LRPPRC: variants seen among roughly 807,000 people sequenced by gnomAD.
The protein encoded by LRPPRC is leucine rich pentatricopeptide repeat containing.
Under a neutral mutation model 180.3 loss-of-function variants are expected in LRPPRC, and 120 were observed. The ratio of observed to expected loss-of-function variants is 0.67; its 90% confidence interval spans 0.57 to 0.77. The LOEUF is 0.77. Among genes scored for constraint, LRPPRC ranks in the 30% least tolerant of loss-of-function variants. The probability of loss-of-function intolerance (pLI) is 0.00; values close to 1 mark genes in which losing one functional copy is unlikely to be tolerated. For missense variants in LRPPRC, 2,012 were observed against 1,657.2 expected, an observed-to-expected ratio of 1.21 and a Z score of -3.72; for synonymous variants, 723 against 600.0, an observed-to-expected ratio of 1.21 and a Z score of -3.00.
intron 30 of LRPPRC, among the ~76,000 whole-genome samples, chr2:43,911,982 G>A (rs1022820924): frequency 3.3e-5 from 5 of 151,898 alleles, no homozygotes; most frequent in Non-Finnish European, 7.4e-5. Context: ...CTCATCATAC[G>A]GAAGAAGAAC....
Position 43,934,304 on chromosome 2 carries a change from G to A in LRPPRC, c.2630-8C>T. The A allele has an allele frequency of 7.1e-7, 1 of 1,404,584 alleles. No individual in the cohort carries two copies. Among genetic ancestry groups the A allele is most frequent in the Non-Finnish European group, 1.0e-6 (1 of 992,164 alleles). 87.0% of individuals were successfully genotyped at this position (1,404,584 alleles called of 1,614,324 possible). A position where few individuals can be genotyped will look rare whatever the true frequency, so the allele number is the denominator to read the frequency against. ...GGCTCACAAAGTCCATTGCTAGGTA[G>A]GAGAGAAAAAAATATATATATTAGG... On this transcript the variant is annotated splice_polypyrimidine_tract_variant and splice_region_variant and intron_variant, in intron 24 of 37. Coordinates refer to ENST00000260665, the MANE Select transcript of LRPPRC (RefSeq NM_133259.4).
Position 43,947,304 on chromosome 2 carries a change from T to C in LRPPRC, c.2032A>G (p.Ile678Val), listed in dbSNP as rs565290342. ...LETLKAENQP[I>V]RDVLKQLILV... ...ATGAGTTGCTTTAGGACATCTCTTA[T>C]AGGTTGATTTTCAGCTTTTAGTGTT... The change falls in exon 20 of 38, where the codon ATA becomes GTA. Residue 678 changes from isoleucine (I) to valine (V), a missense_variant. Coordinates refer to ENST00000260665, the MANE Select transcript of LRPPRC (RefSeq NM_133259.4). 9 of 1,605,634 alleles carry C rather than the reference T, an allele frequency of 5.6e-6. No individual in the cohort carries two copies. The highest frequency in any genetic ancestry group is 5.5e-5 in the South Asian group (5 of 90,850).
chr2:43,977,348 TAAC>T, intron 3 of LRPPRC, 72 bp from the exon 4 acceptor site: 1 of 1,221,170 alleles, frequency 8.2e-7, no homozygotes. Context: ...GACCTAAATT[TAAC>T]AAACAAAAAG....
At chr2:43,951,231 T>C (rs1672890687) in intron 14 of LRPPRC, among the ~76,000 whole-genome samples, 1 of 152,184 alleles carries the variant, frequency 6.6e-6, no homozygotes, top group Non-Finnish European at 1.5e-5. Context: ...GGGGATAACT[T>C]GAAGCTGTAA....
intron 6 of LRPPRC, 113 bp downstream of exon 6, chr2:43,976,030 A>G: frequency 1.5e-6 from 1 of 677,810 alleles, no homozygotes; most frequent in East Asian, 2.7e-5. Flanking sequence ...AACTGTCTAC[A>G]ATAATTTTCT....
At chr2:43,952,062 G>A (rs905960395) in intron 14 of LRPPRC, among the ~76,000 whole-genome samples, 19 of 152,050 alleles carry the variant, frequency 1.2e-4, no homozygotes, top group East Asian at 7.7e-4. Flanking sequence ...GCGTGGTGGC[G>A]CATGCCAGTA....
At position 43,888,030 on chromosome 2, in the gene LRPPRC, G is replaced by C. The variant is rs1368653817; in HGVS notation, c.*570C>G. On this transcript the variant is annotated 3_prime_UTR_variant, in exon 38 of 38. Coordinates refer to ENST00000260665, the MANE Select transcript of LRPPRC (RefSeq NM_133259.4). The stretch of plus-strand genomic sequence containing the variant: ...AGTGTGCCGAAGAGCCTCCAGGCAT[G>C]ACAGACAGTCCCCTGACCAAGCACA... 1 of 154,926 alleles carries C rather than the reference G, an allele frequency of 6.5e-6. No individual in the cohort carries two copies. 9.6% of individuals were successfully genotyped at this position (154,926 alleles called of 1,614,324 possible).
At chr2:43,996,100 C>G (rs988866255), upstream of LRPPRC, 11 of 635,122 alleles carry the variant, frequency 1.7e-5, no homozygotes, top group African/African-American at 1.9e-4. Context: ...GATGGAAAAC[C>G]GCACTTCTCC....
At chr2:43,996,235 C>T (rs1675079084), upstream of LRPPRC, among the ~76,000 whole-genome samples, 1 of 152,228 alleles carries the variant, frequency 6.6e-6, no homozygotes, top group Admixed American at 6.5e-5. Context: ...CCCTGCACTC[C>T]TCTGTTGGTA....
intron 1 of LRPPRC, among the ~76,000 whole-genome samples, chr2:43,992,879 T>C (rs1674848254): frequency 6.6e-6 from 1 of 152,222 alleles, no homozygotes; most frequent in South Asian, 2.1e-4. Flanking sequence ...TAGTAGATGG[T>C]CCATATCTGG....
intron 27 of LRPPRC, among the ~76,000 whole-genome samples, chr2:43,919,823 A>G (rs1237480736): frequency 1.3e-5 from 2 of 152,046 alleles, no homozygotes; most frequent in Non-Finnish European, 2.9e-5. Flanking sequence ...TAGTATGTAT[A>G]AGAAATATCT....
At chr2:43,927,099 A>G (rs868282914) in intron 25 of LRPPRC, among the ~76,000 whole-genome samples, 1 of 152,300 alleles carries the variant, frequency 6.6e-6, no homozygotes, top group South Asian at 2.1e-4. Flanking sequence ...TATTTTCATC[A>G]TCTGCAAGAG....
At chr2:43,917,386 T>C (rs1671511689) in intron 29 of LRPPRC, among the ~76,000 whole-genome samples, 1 of 152,024 alleles carries the variant, frequency 6.6e-6, no homozygotes, top group Admixed American at 6.6e-5. Context: ...TTTAAATACA[T>C]TATAGAAATT....
intron 2 of LRPPRC, 104 bp from the exon 3 acceptor site, chr2:43,980,052 G>A (rs1674235613): frequency 1.8e-6 from 2 of 1,123,632 alleles, no homozygotes; most frequent in Middle Eastern, 2.0e-4. Context: ...AAATCTTCTG[G>A]CTCAAACTGA....
intron 23 of LRPPRC, among the ~76,000 whole-genome samples, chr2:43,937,583 G>A (rs1300957862): frequency 6.6e-6 from 1 of 152,158 alleles, no homozygotes; most frequent in Non-Finnish European, 1.5e-5. Context: ...TAGGACTTTG[G>A]ATTTCCATCC....
Position 43,918,322 on chromosome 2 carries a change from C to G in LRPPRC, c.2973G>C (p.Lys991Asn). ...IQEENVIPRE[K>N]TLRLLAEILR... Reference sequence around the variant, plus strand: ...GGATTTCTGCTAATAATCTTAATGTCTTTTCACGAGGAATAACATTTTCTT... The same window carrying G: ...GGATTTCTGCTAATAATCTTAATGTGTTTTCACGAGGAATAACATTTTCTT... The change falls in exon 28 of 38, where the codon AAG becomes AAC. Residue 991 changes from lysine (K) to asparagine (N), a missense_variant. By Grantham distance (94) the Lys-to-Asn change is moderately conservative. Transcript: ENST00000260665. 6.2e-7 allele frequency: 1 copy of G among 1,609,672 alleles called. No homozygotes were observed.
intron 1 of LRPPRC, among the ~76,000 whole-genome samples, chr2:43,988,599 C>A (rs1674637166): frequency 6.6e-6 from 1 of 152,022 alleles, no homozygotes; most frequent in Admixed American, 6.5e-5. Context: ...AGAAGGTGCT[C>A]AATAAATGCC....
chr2:43,974,590 G>A, intron 8 of LRPPRC, 24 bp downstream of exon 8: 2 of 1,436,038 alleles, frequency 1.4e-6, no homozygotes, highest in Non-Finnish European at 1.9e-6. Context: ...TAAAAATCAT[G>A]TAAATAGATT....
intron 12 of LRPPRC, among the ~76,000 whole-genome samples, chr2:43,962,908 C>T (rs1198913840): frequency 1.3e-5 from 2 of 151,958 alleles, no homozygotes; most frequent in African/African-American, 4.8e-5. Flanking sequence ...GAGTTCAAGA[C>T]CAGCCTGGAT....
Sources: allele counts gnomAD v4.1 joint callset (sites outside exome capture counted in the v4.1 genomes callset), GRCh38; gene constraint gnomAD v4.1.1; transcripts MANE v1.5; gene names NCBI Gene and HGNC (gene_info 2026-07-23, HGNC 2026-07-21).